The following DDX10 variants were observed in gnomAD, a reference collection of about 807,000 sequenced individuals.
DDX10 encodes probable ATP-dependent RNA helicase DDX10.
DDX10 carries 74 observed loss-of-function variants against 104.3 expected under a neutral mutation model. That is an observed-to-expected ratio of 0.71 (90% CI 0.59 to 0.86). The LOEUF is 0.86. DDX10 is among the 40% of genes least tolerant of loss of function. The probability of loss-of-function intolerance (pLI) is 0.00; values close to 1 mark genes in which losing one functional copy is unlikely to be tolerated. For synonymous variants in DDX10, 351 were observed against 353.4 expected, an observed-to-expected ratio of 0.99 and a Z score of 0.08; for missense variants, 952 against 1,040.0, an observed-to-expected ratio of 0.92 and a Z score of 1.16.
At chr11:108,929,905 T>C (rs1863955194) in intron 17 of DDX10, among the ~76,000 whole-genome samples, 1 of 152,188 alleles carries the variant, frequency 6.6e-6, no homozygotes, top group Non-Finnish European at 1.5e-5. Context: ...AAAAATATAG[T>C]TTTCATATTT....
At chr11:108,685,258 G>A (rs1353565374) in intron 6 of DDX10, among the ~76,000 whole-genome samples, 3 of 151,452 alleles carry the variant, frequency 2.0e-5, no homozygotes, top group African/African-American at 7.3e-5. Context: ...AAGCCGGTCT[G>A]AAAAGCGCAA....
At chr11:108,908,073 TC>T (rs1863620597) in intron 16 of DDX10, among the ~76,000 whole-genome samples, 1 of 152,218 alleles carries the variant, frequency 6.6e-6, no homozygotes, top group Non-Finnish European at 1.5e-5. Flanking sequence ...TTTAATAACA[TC>T]ACTAACCTTT....
chr11:108,760,151 G>T (rs1224232221), intron 13 of DDX10, among the ~76,000 whole-genome samples: 3 of 151,050 alleles, frequency 2.0e-5, no homozygotes, highest in East Asian at 3.9e-4. Flanking sequence ...TTTCTGTATG[G>T]TGTACGTGGG....
At chr11:108,891,290 C>G (rs2134640009) in intron 16 of DDX10, among the ~76,000 whole-genome samples, 1 of 152,270 alleles carries the variant, frequency 6.6e-6, no homozygotes, top group South Asian at 2.1e-4. Flanking sequence ...GGTTCCTGTG[C>G]TCCCAACTTT....
chr11:108,895,597 G>A (rs996959921), intron 16 of DDX10, among the ~76,000 whole-genome samples: 3 of 151,860 alleles, frequency 2.0e-5, no homozygotes, highest in African/African-American at 7.3e-5. Flanking sequence ...TGGGATTTTT[G>A]AAAGATGTAA....
At chr11:108,760,557 C>T (rs927456030) in intron 13 of DDX10, among the ~76,000 whole-genome samples, 10 of 151,770 alleles carry the variant, frequency 6.6e-5, no homozygotes, top group South Asian at 2.1e-4. Context: ...CTTAGGGCTG[C>T]CTCATTTGGT....
chr11:108,692,071 A>G, intron 8 of DDX10, 33 bp downstream of exon 8: 1 of 1,557,702 alleles, frequency 6.4e-7, no homozygotes, highest in East Asian at 2.3e-5. Context: ...AATTTCTGTG[A>G]TTGTGTGAAA....
At chr11:108,829,647 A>G (rs1052912873) in intron 13 of DDX10, among the ~76,000 whole-genome samples, 3 of 152,168 alleles carry the variant, frequency 2.0e-5, no homozygotes, top group African/African-American at 7.2e-5. Flanking sequence ...GGTTGGTCAT[A>G]AAGTCTTTGC....
intron 6 of DDX10, among the ~76,000 whole-genome samples, chr11:108,686,655 C>T (rs1401674947): frequency 6.6e-6 from 1 of 152,176 alleles, no homozygotes; most frequent in Admixed American, 6.5e-5. Flanking sequence ...TGAAGGACAT[C>T]TTGATTGCCT....
intron 13 of DDX10, among the ~76,000 whole-genome samples, chr11:108,735,298 T>G (rs2094317011): frequency 6.6e-6 from 1 of 152,184 alleles, no homozygotes; most frequent in Non-Finnish European, 1.5e-5. Context: ...TCAGCAAATA[T>G]TTGAACACCT....
chr11:108,701,653 G>GT (rs2094268101), intron 9 of DDX10, among the ~76,000 whole-genome samples: 1 of 115,538 alleles, frequency 8.7e-6, no homozygotes, highest in Non-Finnish European at 2.0e-5. Flanking sequence ...TAAATCTGGT[G>GT]TTTTTTCTTT....
At chr11:108,745,481 A>G (rs969306272) in intron 13 of DDX10, among the ~76,000 whole-genome samples, 2 of 151,978 alleles carry the variant, frequency 1.3e-5, no homozygotes, top group Non-Finnish European at 2.9e-5. Context: ...GGCAGAAGCA[A>G]TTCGCCTTGG....
intron 13 of DDX10, among the ~76,000 whole-genome samples, chr11:108,786,990 T>C (rs760617704): frequency 6.7e-6 from 1 of 149,538 alleles, no homozygotes; most frequent in Non-Finnish European, 1.5e-5. Context: ...TTTTAAACTT[T>C]TATTTCAATG....
At chr11:108,888,398 C>T (rs527592831) in intron 16 of DDX10, among the ~76,000 whole-genome samples, 2 of 152,176 alleles carry the variant, frequency 1.3e-5, no homozygotes, top group East Asian at 3.9e-4. Flanking sequence ...CCAAAGAGTC[C>T]CCTAAACTTC....
intron 13 of DDX10, among the ~76,000 whole-genome samples, chr11:108,781,311 A>T (rs1198808622): frequency 1.3e-5 from 2 of 152,068 alleles, no homozygotes; most frequent in Admixed American, 1.3e-4. Flanking sequence ...TACACCATTG[A>T]TGGGGACCTA....
intron 16 of DDX10, among the ~76,000 whole-genome samples, chr11:108,868,845 TTTAA>T (rs1863041804): frequency 6.6e-6 from 1 of 152,122 alleles, no homozygotes; most frequent in African/African-American, 2.4e-5. Flanking sequence ...ACGTATGTTA[TTTAA>T]TTCATTACCC....
chr11:108,669,395 G>A (rs1426760666), intron 1 of DDX10, among the ~76,000 whole-genome samples: 1 of 152,160 alleles, frequency 6.6e-6, no homozygotes, highest in Admixed American at 6.5e-5. Flanking sequence ...TGTGCCTGGT[G>A]GAGCTAGTTC....
chr11:108,811,624 G>C (rs892197514), intron 13 of DDX10, among the ~76,000 whole-genome samples: 2 of 151,982 alleles, frequency 1.3e-5, no homozygotes, highest in African/African-American at 4.8e-5. Flanking sequence ...CAGAAAACTT[G>C]TTGAACATAA....
intron 13 of DDX10, among the ~76,000 whole-genome samples, chr11:108,768,365 G>C (rs1170750262): frequency 6.6e-6 from 1 of 152,216 alleles, no homozygotes; most frequent in East Asian, 1.9e-4. Context: ...CATTTATCTT[G>C]AGAGGAGAAA....
Sources: allele counts gnomAD v4.1 joint callset (sites outside exome capture counted in the v4.1 genomes callset), GRCh38; gene constraint gnomAD v4.1.1; transcripts MANE v1.5; gene names NCBI Gene and HGNC (gene_info 2026-07-23, HGNC 2026-07-21).